LRIG1: variants seen among roughly 807,000 people sequenced by gnomAD.
LRIG1 encodes the protein leucine-rich repeats and immunoglobulin-like domains protein 1.
A neutral mutation model predicts 99.2 loss-of-function variants in LRIG1; 48 were observed. The observed-to-expected ratio is 0.48, with a 90% CI of 0.38 to 0.62. LRIG1 has a LOEUF of 0.62. LRIG1 is among the 20% of genes least tolerant of loss of function. The pLI is 0.00. For missense variants in LRIG1, 1,646 were observed against 1,434.4 expected, an observed-to-expected ratio of 1.15 and a Z score of -2.38; for synonymous variants, 772 against 596.1, an observed-to-expected ratio of 1.29 and a Z score of -4.30.
intron 2 of LRIG1, among the ~76,000 whole-genome samples, chr3:66,451,997 G>C (rs772991084): frequency 6.6e-6 from 1 of 152,160 alleles, no homozygotes; most frequent in Non-Finnish European, 1.5e-5. Context: ...CCCGTGGGCC[G>C]AAATTTGCCC....
chr3:66,486,487 G>A (rs1010402726), intron 1 of LRIG1, among the ~76,000 whole-genome samples: 1 of 152,086 alleles, frequency 6.6e-6, no homozygotes, highest in Non-Finnish European at 1.5e-5. Flanking sequence ...TTCCCCTGAA[G>A]ACCCTGAAAT....
At chr3:66,395,900 C>T (rs1028143045) in intron 11 of LRIG1, among the ~76,000 whole-genome samples, 1 of 152,274 alleles carries the variant, frequency 6.6e-6, no homozygotes, top group Non-Finnish European at 1.5e-5. Context: ...TCAGGCAGAA[C>T]AGCCTGGGCA....
At chr3:66,390,721 A>G (rs1701584386) in intron 12 of LRIG1, among the ~76,000 whole-genome samples, 1 of 152,238 alleles carries the variant, frequency 6.6e-6, no homozygotes, top group Admixed American at 6.5e-5. Flanking sequence ...CTTAGAAGAA[A>G]ATAAAGGAGG....
intron 3 of LRIG1, among the ~76,000 whole-genome samples, chr3:66,429,646 T>G (rs1186284420): frequency 6.6e-6 from 1 of 152,200 alleles, no homozygotes; most frequent in Non-Finnish European, 1.5e-5. Context: ...GGTGGGCACA[T>G]GTGATTATAC....
At chr3:66,391,791 C>A (rs1194004939) in intron 12 of LRIG1, among the ~76,000 whole-genome samples, 1 of 151,898 alleles carries the variant, frequency 6.6e-6, no homozygotes, top group Non-Finnish European at 1.5e-5. Context: ...TTTTTAAAAG[C>A]AGCTTTATTG....
chr3:66,453,075 A>C (rs1703958768), intron 2 of LRIG1, among the ~76,000 whole-genome samples: 1 of 152,176 alleles, frequency 6.6e-6, no homozygotes, highest in African/African-American at 2.4e-5. Context: ...ATCCTCACTC[A>C]GGGACACTGA....
chr3:66,469,357 T>G (rs1336886778), intron 1 of LRIG1: 1 of 152,196 alleles, frequency 6.6e-6, no homozygotes, highest in Non-Finnish European at 1.5e-5. Context: ...ACATAGACCA[T>G]TATCTATGCA....
At position 66,442,448 on chromosome 3, in the gene LRIG1, G is replaced by GGGAGGA. The variant is rs138317719; in HGVS notation, c.365+9105_365+9110dup. On this transcript the variant is annotated intron_variant, in intron 3 of 18. Coordinates refer to ENST00000273261, the MANE Select transcript of LRIG1 (RefSeq NM_015541.3). ...AAGCCACCTGCAGGAAGTGAGGAGG[G>GGGAGGA]GGAGGAGGAGGAGGAGGAGGAGGAG... Among the ~76,000 whole-genome samples the GGGAGGA allele has an allele frequency of 2.5e-3, 377 of 151,662 alleles. 3 individuals carry two copies. Among genetic ancestry groups the GGGAGGA allele is most frequent in the African/African-American group, 8.4e-3 (345 of 41,294 alleles).
At chr3:66,390,662 T>C (rs1701582742) in intron 12 of LRIG1, among the ~76,000 whole-genome samples, 1 of 152,096 alleles carries the variant, frequency 6.6e-6, no homozygotes, top group African/African-American at 2.4e-5. Context: ...AAAACAATTT[T>C]GAAAAAGAAT....
intron 2 of LRIG1, among the ~76,000 whole-genome samples, chr3:66,459,347 T>C (rs1454179304): frequency 6.6e-6 from 1 of 152,226 alleles, no homozygotes; most frequent in Non-Finnish European, 1.5e-5. Context: ...CACCAGAGCA[T>C]GTACCATGCC....
At position 66,500,573 on chromosome 3, in the gene LRIG1, G is replaced by T; in HGVS notation, c.-166C>A. 2 of 382,910 alleles carry T rather than the reference G, an allele frequency of 5.2e-6. No individual in the cohort carries two copies. The highest frequency in any genetic ancestry group is 9.0e-6 in the Non-Finnish European group (2 of 220,998). 23.7% of individuals were successfully genotyped at this position (382,910 alleles called of 1,614,324 possible). A position where few individuals can be genotyped will look rare whatever the true frequency, so the allele number is the denominator to read the frequency against. On this transcript the variant is annotated 5_prime_UTR_variant, in exon 1 of 19. Transcript: ENST00000273261. ...CGGCCGCGGCTCCGGCACTCAGCGTGCCCCCGGTGCCCGGGCCGCTCCGGA... is the reference window on the plus strand; with the variant it reads ...CGGCCGCGGCTCCGGCACTCAGCGTTCCCCCGGTGCCCGGGCCGCTCCGGA...
At chr3:66,413,402 G>C (rs549500904) in intron 5 of LRIG1, among the ~76,000 whole-genome samples, 1 of 152,300 alleles carries the variant, frequency 6.6e-6, no homozygotes, top group South Asian at 2.1e-4. Flanking sequence ...AGGTATCTCT[G>C]AGCTCAGCAA....
chr3:66,430,233 CTT>C lies in LRIG1; in HGVS notation c.366-12969_366-12968del, dbSNP rs140047906. On this transcript the variant is annotated intron_variant, in intron 3 of 18. Transcript: ENST00000273261. ...GCAGGACCAACCATCCAATTAAAAA[CTT>C]TTAAAAAGAAAAAAATTTAAGACAC... is the stretch of plus-strand genomic sequence containing the variant. Among the ~76,000 whole-genome samples the C allele has an allele frequency of 6.3e-3, 960 of 152,198 alleles. 11 individuals carry two copies. Among genetic ancestry groups the C allele is most frequent in the African/African-American group, 0.021 (881 of 41,512 alleles).
chr3:66,392,923 A>T (rs988810588), intron 12 of LRIG1, among the ~76,000 whole-genome samples: 7 of 152,242 alleles, frequency 4.6e-5, no homozygotes, highest in African/African-American at 1.7e-4. Context: ...AGAAGGCTCC[A>T]TAAGACAGAT....
chr3:66,489,447 G>C (rs1377632696), intron 1 of LRIG1, among the ~76,000 whole-genome samples: 1 of 152,114 alleles, frequency 6.6e-6, no homozygotes, highest in African/African-American at 2.4e-5. Context: ...ACTTGAGCCT[G>C]GGAGGTCACG....
At position 66,415,047 on chromosome 3, in the gene LRIG1, G is replaced by A. The variant is rs371160945; in HGVS notation, c.520C>T (p.Arg174Trp). 2.2e-5 allele frequency: 36 copies of A among 1,601,770 alleles called. No individual in the cohort carries two copies. The highest frequency in any genetic ancestry group is 2.1e-4 in the South Asian group (19 of 88,824). ...PIKELNLAGN[R>W]IGTLELGAFD... ...GCTCCCAACTCCAGGGTGCCAATCC[G>A]ATTGCCTGCCAGGTTGCTGGAATGA... Residue 174 changes from arginine (R) to tryptophan (W), a missense_variant, in exon 5 of 19, where the codon CGG (arginine) becomes TGG (tryptophan). Coordinates refer to ENST00000273261, the MANE Select transcript of LRIG1 (RefSeq NM_015541.3).
At chr3:66,465,581 G>C (rs1265257788) in intron 1 of LRIG1, among the ~76,000 whole-genome samples, 1 of 151,684 alleles carries the variant, frequency 6.6e-6, no homozygotes, top group Non-Finnish European at 1.5e-5. Context: ...GGCCAGGCTG[G>C]TTTCAAACTC....
chr3:66,490,991 A>C (rs1701089080), intron 1 of LRIG1, among the ~76,000 whole-genome samples: 1 of 152,222 alleles, frequency 6.6e-6, no homozygotes. Context: ...GGAGAAATTA[A>C]ACTATGGACT....
intron 3 of LRIG1, among the ~76,000 whole-genome samples, chr3:66,421,999 C>T (rs1702833118): frequency 6.6e-6 from 1 of 152,236 alleles, no homozygotes; most frequent in Non-Finnish European, 1.5e-5. Flanking sequence ...ATGGTCCGTG[C>T]TCTATGTTGC....
Sources: gnomAD v4.1 joint callset for allele counts (sites outside exome capture counted in the v4.1 genomes callset) on GRCh38, gnomAD v4.1.1 for gene constraint, MANE v1.5 for transcripts, NCBI Gene and HGNC (gene_info 2026-07-23, HGNC 2026-07-21) for gene names.